PCDH7: variants seen among roughly 807,000 people sequenced by gnomAD.
The protein encoded by PCDH7 is protocadherin 7.
Under a neutral mutation model 58.9 loss-of-function variants are expected in PCDH7, and 17 were observed. That is an observed-to-expected ratio of 0.29 (90% CI 0.20 to 0.43). The LOEUF (loss-of-function observed/expected upper bound fraction) is 0.43. Among genes scored for constraint, PCDH7 ranks in the 20% least tolerant of loss-of-function variants. The probability of loss-of-function intolerance (pLI) is 1.00; values close to 1 mark genes in which losing one functional copy is unlikely to be tolerated. For synonymous variants in PCDH7, 664 were observed against 616.4 expected (o/e 1.08, Z -1.14); for missense variants, 1,274 against 1,441.0 (o/e 0.88, Z 1.88).
At chr4:31,072,236 GGA>G (rs1268977595) in intron 3 of PCDH7, among the ~76,000 whole-genome samples, 1 of 152,002 alleles carries the variant, frequency 6.6e-6, no homozygotes, top group Non-Finnish European at 1.5e-5. Context: ...AATGCATACA[GGA>G]AAAGAATTAT....
At chr4:31,075,057 G>A (rs1179479634) in intron 3 of PCDH7, among the ~76,000 whole-genome samples, 1 of 152,012 alleles carries the variant, frequency 6.6e-6, no homozygotes, top group Non-Finnish European at 1.5e-5. Flanking sequence ...CGATTGTCTG[G>A]ACCTCACCCT....
At chr4:30,854,231 A>T (rs922820199) in intron 1 of PCDH7, among the ~76,000 whole-genome samples, 1 of 150,306 alleles carries the variant, frequency 6.7e-6, no homozygotes, top group African/African-American at 2.5e-5. Flanking sequence ...GACATTTTGG[A>T]CTATCTAATT....
chr4:30,727,223 G>GA (rs1714734058), intron 1 of PCDH7, among the ~76,000 whole-genome samples: 1 of 151,686 alleles, frequency 6.6e-6, no homozygotes, highest in African/African-American at 2.4e-5. Context: ...ATTTATTTGT[G>GA]AAAAAATTAA....
At chr4:30,812,959 T>C (rs1727205566) in intron 1 of PCDH7, among the ~76,000 whole-genome samples, 1 of 152,190 alleles carries the variant, frequency 6.6e-6, no homozygotes, top group African/African-American at 2.4e-5. Flanking sequence ...ATTATGAAGA[T>C]ATATTGGGCT....
At chr4:30,931,438 G>T (rs1417122682) in intron 2 of PCDH7, among the ~76,000 whole-genome samples, 1 of 152,078 alleles carries the variant, frequency 6.6e-6, no homozygotes, top group Non-Finnish European at 1.5e-5. Context: ...AGCTGGTCGT[G>T]GTGGCACATG....
At chr4:30,970,521 C>A (rs1368548928) in intron 3 of PCDH7, among the ~76,000 whole-genome samples, 1 of 152,146 alleles carries the variant, frequency 6.6e-6, no homozygotes, top group Non-Finnish European at 1.5e-5. Flanking sequence ...TCTCGATCTC[C>A]TGACCTAGTG....
chr4:31,104,632 G>A (rs1715319529), intron 3 of PCDH7, among the ~76,000 whole-genome samples: 2 of 152,126 alleles, frequency 1.3e-5, no homozygotes, highest in African/African-American at 2.4e-5. Flanking sequence ...TAATTTGCAG[G>A]ACTGTGTGCC....
chr4:30,756,261 A>AC (rs1026582017), intron 1 of PCDH7, among the ~76,000 whole-genome samples: 3 of 151,818 alleles, frequency 2.0e-5, no homozygotes, highest in African/African-American at 7.3e-5. Context: ...CAAGAATGGC[A>AC]CCCCGCTGTT....
intron 2 of PCDH7, among the ~76,000 whole-genome samples, chr4:30,924,158 A>C (rs1743547502): frequency 6.6e-6 from 1 of 152,060 alleles, no homozygotes; most frequent in Non-Finnish European, 1.5e-5. Context: ...GACCTACTTG[A>C]TCTTTCCAAA....
At chr4:30,898,291 G>A (rs1739717452) in intron 1 of PCDH7, among the ~76,000 whole-genome samples, 1 of 152,144 alleles carries the variant, frequency 6.6e-6, no homozygotes, top group Non-Finnish European at 1.5e-5. Context: ...GAGTTTAAGT[G>A]TAGGGCTGGC....
intron 1 of PCDH7, among the ~76,000 whole-genome samples, chr4:30,751,335 T>C (rs539186028): frequency 6.6e-6 from 1 of 152,320 alleles, no homozygotes; most frequent in South Asian, 2.1e-4. Context: ...TAAAAGTGAT[T>C]ACACTTAATA....
intron 3 of PCDH7, among the ~76,000 whole-genome samples, chr4:31,119,945 C>T (rs1717461061): frequency 2.0e-5 from 3 of 150,382 alleles, no homozygotes; most frequent in Non-Finnish European, 4.4e-5. Flanking sequence ...TCACCAGTTT[C>T]AGGTTTTTTT....
chr4:30,779,003 GTTT>G (rs386399674), intron 1 of PCDH7, among the ~76,000 whole-genome samples: 2 of 73,006 alleles, frequency 2.7e-5, no homozygotes, highest in African/African-American at 5.7e-5. Context: ...TCCTTACTCC[GTTT>G]TTTTTTTTTT....
At chr4:31,072,738 T>A (rs1758656625) in intron 3 of PCDH7, among the ~76,000 whole-genome samples, 1 of 152,166 alleles carries the variant, frequency 6.6e-6, no homozygotes, top group Non-Finnish European at 1.5e-5. Context: ...AATGGAATGA[T>A]GGCTGACATA....
intron 1 of PCDH7, among the ~76,000 whole-genome samples, chr4:30,825,085 G>T (rs1211962686): frequency 2.0e-5 from 3 of 152,092 alleles, no homozygotes; most frequent in Admixed American, 6.6e-5. Flanking sequence ...TTATTTTAAG[G>T]TTCCTGTTTT....
At chr4:30,829,700 C>G (rs1335605664) in intron 1 of PCDH7, among the ~76,000 whole-genome samples, 1 of 151,986 alleles carries the variant, frequency 6.6e-6, no homozygotes, top group Non-Finnish European at 1.5e-5. Context: ...ACAATGTCAC[C>G]AATCCTAGTA....
downstream of PCDH7, among the ~76,000 whole-genome samples, chr4:30,733,916 A>G (rs1031041886): frequency 6.6e-5 from 10 of 152,208 alleles, no homozygotes; most frequent in African/African-American, 2.2e-4. Flanking sequence ...ACTGCACTTC[A>G]TACTACTAAA....
At chr4:30,757,126 G>A (rs1485503688) in intron 1 of PCDH7, among the ~76,000 whole-genome samples, 1 of 152,158 alleles carries the variant, frequency 6.6e-6, no homozygotes, top group African/African-American at 2.4e-5. Context: ...TATCAAAAGA[G>A]CTTCTATTTT....
downstream of PCDH7, chr4:31,143,578 A>C (rs1378152051): frequency 6.6e-6 from 1 of 152,204 alleles, no homozygotes; most frequent in Non-Finnish European, 1.5e-5. Flanking sequence ...GTATACACAC[A>C]GTCTTGATTA....
Sources: allele counts gnomAD v4.1 joint callset (sites outside exome capture counted in the v4.1 genomes callset), GRCh38; gene constraint gnomAD v4.1.1; transcripts MANE v1.5; gene names NCBI Gene and HGNC (gene_info 2026-07-23, HGNC 2026-07-21).